The following ELMO1 variants were observed in gnomAD, a reference collection of about 807,000 sequenced individuals.
The protein encoded by ELMO1 is engulfment and cell motility 1.
ELMO1 carries 26 observed loss-of-function variants against 98.9 expected under a neutral mutation model. That is an observed-to-expected ratio of 0.26 (90% CI 0.19 to 0.36). The LOEUF is 0.36. Ranked by LOEUF, ELMO1 falls within the 10% of genes least tolerant of loss-of-function variation. The pLI is 1.00. For synonymous variants in ELMO1, 346 were observed against 346.0 expected (o/e 1.00, Z 0.00); for missense variants, 627 against 935.2 (o/e 0.67, Z 4.30).
intron 16 of ELMO1, among the ~76,000 whole-genome samples, chr7:36,928,087 A>G (rs1445271287): frequency 6.6e-6 from 1 of 152,238 alleles, no homozygotes; most frequent in Non-Finnish European, 1.5e-5. Flanking sequence ...TGAGAGAAAA[A>G]GAAGATTCAA....
At chr7:37,236,468 C>T (rs371016804) in intron 7 of ELMO1, among the ~76,000 whole-genome samples, 38 of 152,256 alleles carry the variant, frequency 2.5e-4, no homozygotes, top group African/African-American at 8.4e-4. Flanking sequence ...GGAAGGATAG[C>T]TCTCTTGATC....
chr7:37,391,153 A>G (rs1265076521), intron 1 of ELMO1, among the ~76,000 whole-genome samples: 3 of 147,552 alleles, frequency 2.0e-5, no homozygotes, highest in South Asian at 2.1e-4. Context: ...GTCTTGCTCT[A>G]TTGTCCAGGC....
At chr7:37,268,588 C>T (rs1036841918) in intron 5 of ELMO1, among the ~76,000 whole-genome samples, 4 of 152,178 alleles carry the variant, frequency 2.6e-5, no homozygotes, top group Non-Finnish European at 4.4e-5. Context: ...GTGTGAGCCA[C>T]CACACCCAGC....
At chr7:36,887,017 T>C (rs573918025) in intron 18 of ELMO1, among the ~76,000 whole-genome samples, 1 of 152,202 alleles carries the variant, frequency 6.6e-6, no homozygotes. Flanking sequence ...CCAGCTCTCC[T>C]ACAGCAAGGG....
intron 17 of ELMO1, among the ~76,000 whole-genome samples, chr7:36,892,205 T>C (rs1805615228): frequency 6.6e-6 from 1 of 152,208 alleles, no homozygotes; most frequent in South Asian, 2.1e-4. Context: ...ATGCTGTGTG[T>C]GGCACACACA....
At chr7:37,266,087 G>A (rs1290734914) in intron 5 of ELMO1, among the ~76,000 whole-genome samples, 1 of 152,124 alleles carries the variant, frequency 6.6e-6, no homozygotes, top group Non-Finnish European at 1.5e-5. Context: ...ATCTGTCCTT[G>A]GGCAGCAGCC....
At chr7:37,027,578 T>C (rs1179495952) in intron 15 of ELMO1, among the ~76,000 whole-genome samples, 2 of 152,156 alleles carry the variant, frequency 1.3e-5, no homozygotes, top group African/African-American at 4.8e-5. Flanking sequence ...AGGATAGAGA[T>C]GTATACTAGT....
intron 12 of ELMO1, among the ~76,000 whole-genome samples, chr7:37,212,782 C>A (rs1793052957): frequency 6.6e-6 from 1 of 152,212 alleles, no homozygotes; most frequent in African/African-American, 2.4e-5. Flanking sequence ...ACTCTACCCT[C>A]ACACAGCAAA....
At chr7:37,358,076 C>T (rs993359685) in intron 1 of ELMO1, among the ~76,000 whole-genome samples, 1 of 152,000 alleles carries the variant, frequency 6.6e-6, no homozygotes, top group African/African-American at 2.4e-5. Context: ...TTTTTTAATG[C>T]TCATTTTCCC....
At chr7:37,092,972 G>A (rs1037848781) in intron 15 of ELMO1, among the ~76,000 whole-genome samples, 2 of 147,994 alleles carry the variant, frequency 1.4e-5, no homozygotes, top group African/African-American at 5.1e-5. Flanking sequence ...ACTCAGATAC[G>A]CAGTAGGTGC....
At chr7:37,058,488 GCCAACCAGA>G (rs1796505747) in intron 15 of ELMO1, among the ~76,000 whole-genome samples, 1 of 152,150 alleles carries the variant, frequency 6.6e-6, no homozygotes, top group South Asian at 2.1e-4. Flanking sequence ...TGGGGGACAT[GCCAACCAGA>G]AGTGGGCAGA....
At chr7:36,931,014 AT>A in intron 16 of ELMO1, among the ~76,000 whole-genome samples, 1 of 152,276 alleles carries the variant, frequency 6.6e-6, no homozygotes, top group East Asian at 1.9e-4. Context: ...CACTTCATTC[AT>A]TTTTGTCAAT....
At chr7:37,337,408 G>A (rs1386152779) in intron 2 of ELMO1, among the ~76,000 whole-genome samples, 1 of 151,896 alleles carries the variant, frequency 6.6e-6, no homozygotes, top group Non-Finnish European at 1.5e-5. Context: ...GATAGCATTA[G>A]GCGATATACC....
At chr7:36,865,877 T>C (rs1205299021) in intron 20 of ELMO1, among the ~76,000 whole-genome samples, 2 of 152,234 alleles carry the variant, frequency 1.3e-5, no homozygotes, top group Non-Finnish European at 2.9e-5. Flanking sequence ...AATGAATGAA[T>C]GAATGGATGA....
rs1265830046 is a variant in ELMO1 at position 36,982,686 on chromosome 7, T to C, written c.1437+30613A>G. On this transcript the variant is annotated intron_variant, in intron 16 of 21. Transcript: ENST00000310758. ...CCTACAGATTCCTTTCCACTTAGCA[T>C]TGCAATCTTGCTTATTTTTTTATGT... Among the ~76,000 whole-genome samples, 4 of 152,240 alleles carry C rather than the reference T, an allele frequency of 2.6e-5. No homozygotes were observed. The South Asian group carries it at 8.3e-4, about 32-fold the overall frequency.
intron 9 of ELMO1, among the ~76,000 whole-genome samples, chr7:37,224,041 T>C (rs1344223527): frequency 6.6e-6 from 1 of 152,222 alleles, no homozygotes; most frequent in Non-Finnish European, 1.5e-5. Context: ...AAAGGCCATC[T>C]GCTGAGGACT....
chr7:37,353,592 G>C (rs1046999798), intron 1 of ELMO1: 2 of 151,784 alleles, frequency 1.3e-5, no homozygotes, highest in Non-Finnish European at 2.9e-5. Context: ...ATTGCGAGCA[G>C]TGAAAAAAAA....
chr7:36,965,191 T>C (rs987194687), intron 16 of ELMO1, among the ~76,000 whole-genome samples: 2 of 152,164 alleles, frequency 1.3e-5, no homozygotes, highest in Admixed American at 6.5e-5. Flanking sequence ...TTTCTCCCCA[T>C]TCTTAATGTA....
At chr7:37,081,861 C>T (rs985137172) in intron 15 of ELMO1, among the ~76,000 whole-genome samples, 1 of 152,144 alleles carries the variant, frequency 6.6e-6, no homozygotes, top group African/African-American at 2.4e-5. Context: ...CCCTGCGAGG[C>T]CTTACATTTG....
Sources: gnomAD v4.1 joint callset for allele counts (sites outside exome capture counted in the v4.1 genomes callset) on GRCh38, gnomAD v4.1.1 for gene constraint, MANE v1.5 for transcripts, NCBI Gene and HGNC (gene_info 2026-07-23, HGNC 2026-07-21) for gene names.